The following PCED1B variants were observed in gnomAD, a reference collection of about 807,000 sequenced individuals.
PCED1B encodes the protein PC-esterase domain-containing protein 1B.
For synonymous variants in PCED1B, 251 were observed against 246.1 expected (o/e 1.02, Z -0.19); for missense variants, 573 against 573.9 (o/e 1.00, Z 0.02).
chr12:47,232,363 G>A (rs185108065), intron 3 of PCED1B, among the ~76,000 whole-genome samples: 1 of 152,172 alleles, frequency 6.6e-6, no homozygotes, highest in East Asian at 1.9e-4. Context: ...ATTTTCAACT[G>A]TTCTCTTATG....
In PCED1B at chr12:47,080,245, T is replaced by C. The variant is rs114896084; in HGVS notation, c.-609+520T>C. Among the ~76,000 whole-genome samples the C allele has an allele frequency of 1.0e-2, 1,514 of 152,050 alleles. 33 individuals carry two copies. The highest frequency in any genetic ancestry group is 0.034 in the African/African-American group (1,404 of 41,474). On this transcript the variant is annotated intron_variant, in intron 1 of 3. Coordinates refer to ENST00000546455, the MANE Select transcript of PCED1B (RefSeq NM_138371.3). ...CGTCCAGCTCCAAGCCGGGCGGTAA[T>C]GGGGTCCAGGAAGGCTAAAGGGGAC...
rs1417637804 is a variant in PCED1B, at chr12:47,235,399, C to G, written c.336C>G (p.Gly112=). ...CCATCTTGAAAGAGCTGCAGTCGGG[C>G]GAGCACGCCCCCGACCTGGTCATCA... is the stretch of plus-strand genomic sequence containing the variant. ...LQTILKELQS[G]EHAPDLVIMN... Residue 112 remains glycine, a synonymous_variant, in exon 4 of 4, where the codon GGC becomes GGG. Coordinates refer to ENST00000546455, the MANE Select transcript of PCED1B (RefSeq NM_138371.3). The G allele has an allele frequency of 6.2e-7, 1 of 1,614,048 alleles. No homozygotes were observed. The highest frequency in any genetic ancestry group is 1.3e-5 in the African/African-American group (1 of 74,946).
At chr12:47,144,236 T>G (rs1940703418) in intron 2 of PCED1B, among the ~76,000 whole-genome samples, 1 of 152,118 alleles carries the variant, frequency 6.6e-6, no homozygotes, top group Non-Finnish European at 1.5e-5. Context: ...CACTGAAATG[T>G]GGGAAGGAGA....
chr12:47,186,330 C>G (rs1035355994), intron 2 of PCED1B, among the ~76,000 whole-genome samples: 3 of 151,438 alleles, frequency 2.0e-5, no homozygotes, highest in African/African-American at 7.3e-5. Flanking sequence ...CTAGGGGCAG[C>G]AAATTGTGGG....
chr12:47,108,312 A>C (rs948338904), intron 2 of PCED1B, among the ~76,000 whole-genome samples: 1 of 152,176 alleles, frequency 6.6e-6, no homozygotes, highest in African/African-American at 2.4e-5. Context: ...GCCCATGCTC[A>C]CCACACACAA....
intron 2 of PCED1B, among the ~76,000 whole-genome samples, chr12:47,125,360 G>T (rs1370760029): frequency 6.6e-6 from 1 of 151,894 alleles, no homozygotes; most frequent in African/African-American, 2.4e-5. Context: ...TTGCTATTCT[G>T]TTCTATTGAT....
intron 2 of PCED1B, among the ~76,000 whole-genome samples, chr12:47,214,051 A>G (rs1008511018): frequency 1.3e-5 from 2 of 152,186 alleles, no homozygotes; most frequent in Admixed American, 6.6e-5. Context: ...GAACTAAATA[A>G]TGGCAGATTT....
At chr12:47,118,655 G>T (rs1336304204) in intron 2 of PCED1B, among the ~76,000 whole-genome samples, 1 of 152,172 alleles carries the variant, frequency 6.6e-6, no homozygotes, top group East Asian at 1.9e-4. Context: ...TTTGGCTTAG[G>T]ATTGTCTTGG....
chr12:47,163,555 A>G (rs1941455230), intron 2 of PCED1B, among the ~76,000 whole-genome samples: 1 of 152,244 alleles, frequency 6.6e-6, no homozygotes, highest in Non-Finnish European at 1.5e-5. Flanking sequence ...GTTTTTTCAC[A>G]TATGGCTTTT....
At chr12:47,200,488 C>G (rs1463906655) in intron 2 of PCED1B, among the ~76,000 whole-genome samples, 1 of 152,154 alleles carries the variant, frequency 6.6e-6, no homozygotes, top group African/African-American at 2.4e-5. Flanking sequence ...TCATTTGTTG[C>G]TGGTAGGAAT....
chr12:47,196,532 A>G (rs1357677680), intron 2 of PCED1B, among the ~76,000 whole-genome samples: 3 of 152,232 alleles, frequency 2.0e-5, no homozygotes, highest in Non-Finnish European at 4.4e-5. Flanking sequence ...AACTTCATCT[A>G]AAGTTTATAT....
At chr12:47,097,216 A>C (rs1217488495) in intron 1 of PCED1B, among the ~76,000 whole-genome samples, 2 of 152,224 alleles carry the variant, frequency 1.3e-5, no homozygotes, top group East Asian at 3.9e-4. Flanking sequence ...AACCAGAAAT[A>C]CCTAAAATAA....
Position 47,110,447 on chromosome 12 carries a change from G to A in PCED1B, c.-526+6252G>A, listed in dbSNP as rs114885653. ...ACATATTTCACCCAGGAAGTGTTTG[G>A]TAACAGTTTGTGGTTAACAAAGACA... On this transcript the variant is annotated intron_variant, in intron 2 of 3. Coordinates refer to ENST00000546455, the MANE Select transcript of PCED1B (RefSeq NM_138371.3). Among the ~76,000 whole-genome samples the A allele has an allele frequency of 8.6e-3, 1,305 of 152,260 alleles. 13 individuals carry two copies. Among genetic ancestry groups the A allele is most frequent in the African/African-American group, 0.029 (1,220 of 41,546 alleles).
At chr12:47,156,430 A>G (rs1941195471) in intron 2 of PCED1B, among the ~76,000 whole-genome samples, 1 of 152,122 alleles carries the variant, frequency 6.6e-6, no homozygotes, top group African/African-American at 2.4e-5. Flanking sequence ...GGATGAGGCA[A>G]ATGTGTCCTT....
Position 47,084,759 on chromosome 12 carries a change from A to T in PCED1B, c.-609+5034A>T, listed in dbSNP as rs146437460. Among the ~76,000 whole-genome samples the T allele has an allele frequency of 1.3e-3, 199 of 152,350 alleles. 1 individual carries two copies. The highest frequency in any genetic ancestry group is 0.01 in the Middle Eastern group (3 of 294). On this transcript the variant is annotated intron_variant, in intron 1 of 3. Coordinates refer to ENST00000546455, the MANE Select transcript of PCED1B (RefSeq NM_138371.3). ...ACCCAGAGTCTTGAATTATAAAAGT[A>T]TTAAAACTCTGTGTGATTGCAGAAA... is the stretch of plus-strand genomic sequence containing the variant.
chr12:47,169,483 A>C (rs1941650060), intron 2 of PCED1B, among the ~76,000 whole-genome samples: 1 of 152,146 alleles, frequency 6.6e-6, no homozygotes, highest in Non-Finnish European at 1.5e-5. Flanking sequence ...ATTTTGGGGT[A>C]GTATGTCCTA....
chr12:47,134,774 A>G (rs1287671994), intron 2 of PCED1B, among the ~76,000 whole-genome samples: 1 of 152,212 alleles, frequency 6.6e-6, no homozygotes, highest in Non-Finnish European at 1.5e-5. Flanking sequence ...AAGCTGAGGC[A>G]GGAGAATTGC....
At chr12:47,102,324 T>C (rs1938743709) in intron 1 of PCED1B, among the ~76,000 whole-genome samples, 1 of 152,218 alleles carries the variant, frequency 6.6e-6, no homozygotes, top group Non-Finnish European at 1.5e-5. Flanking sequence ...TGTAGACATA[T>C]TGTCAGGCTT....
intron 1 of PCED1B, among the ~76,000 whole-genome samples, chr12:47,096,061 T>C (rs1421903675): frequency 1.3e-5 from 2 of 152,076 alleles, no homozygotes; most frequent in Non-Finnish European, 2.9e-5. Flanking sequence ...CTGAACCAAG[T>C]TTTATATCAG....
Sources: allele counts gnomAD v4.1 joint callset (sites outside exome capture counted in the v4.1 genomes callset), GRCh38; gene constraint gnomAD v4.1.1; transcripts MANE v1.5; gene names NCBI Gene and HGNC (gene_info 2026-07-23, HGNC 2026-07-21).